TMEM117: variants seen among roughly 807,000 people sequenced by gnomAD.
The protein encoded by TMEM117 is transmembrane protein 117.
Under a neutral mutation model 52.4 loss-of-function variants are expected in TMEM117, and 27 were observed. That is an observed-to-expected ratio of 0.51 (90% CI 0.38 to 0.71). The LOEUF (loss-of-function observed/expected upper bound fraction) is 0.71, where lower values mean the gene tolerates loss of function less well. Among genes scored for constraint, TMEM117 ranks in the 30% least tolerant of loss-of-function variants. The pLI, the probability that TMEM117 is intolerant of heterozygous loss-of-function variation, is 0.00. For synonymous variants in TMEM117, 215 were observed against 206.3 expected, an observed-to-expected ratio of 1.04 and a Z score of -0.36; for missense variants, 556 against 630.5, an observed-to-expected ratio of 0.88 and a Z score of 1.26.
intron 6 of TMEM117, among the ~76,000 whole-genome samples, chr12:44,350,315 CA>C (rs1288178957): frequency 6.6e-6 from 1 of 151,894 alleles, no homozygotes; most frequent in African/African-American, 2.4e-5. Flanking sequence ...TTTTTTGATA[CA>C]GGCATGAAAT....
chr12:43,949,383 C>T (rs1945184888), intron 3 of TMEM117, among the ~76,000 whole-genome samples: 1 of 152,180 alleles, frequency 6.6e-6, no homozygotes, highest in Non-Finnish European at 1.5e-5. Context: ...GGACTGTTTG[C>T]ATGCTCAGTA....
chr12:44,276,355 A>C (rs979231808), intron 5 of TMEM117, among the ~76,000 whole-genome samples: 2 of 152,324 alleles, frequency 1.3e-5, no homozygotes, highest in Non-Finnish European at 1.5e-5. Context: ...ATATGAATAA[A>C]GTTGGAGGAC....
At chr12:44,135,561 A>G (rs188957256) in intron 3 of TMEM117, among the ~76,000 whole-genome samples, 24 of 152,232 alleles carry the variant, frequency 1.6e-4, no homozygotes, top group Non-Finnish European at 2.9e-4. Flanking sequence ...AATCATTGGG[A>G]AATAGTGTTG....
chr12:43,948,312 CT>C (rs879753040), intron 3 of TMEM117, among the ~76,000 whole-genome samples: 40 of 147,032 alleles, frequency 2.7e-4, no homozygotes, highest in Admixed American at 4.8e-4. Flanking sequence ...CTCCTTTATT[CT>C]TTTTTTTTTT....
Position 44,388,637 on chromosome 12 carries a change from G to T in TMEM117, c.1510G>T (p.Asp504Tyr). The change falls in exon 8 of 8, where the codon GAC becomes TAC. Residue 504 changes from aspartate (D) to tyrosine (Y), a missense_variant. Physicochemically the swap from Asp to Tyr is radical, Grantham distance 160 (BLOSUM62 -3). Around this residue, in one of 3 missense-constraint regions of TMEM117, gnomAD observed 206 missense variants for 211.1 expected, o/e 0.98. Transcript: ENST00000266534. ...TACTAGTGCAACAGAAGCTGATCAA[G>T]ACCCAACGACTTCTAAAAGTACACC... ...ESTSATEADQDPTTSKSTPTN is the reference protein window; with the variant it reads ...ESTSATEADQYPTTSKSTPTN 1 of 1,613,314 alleles carries T rather than the reference G, an allele frequency of 6.2e-7. No homozygotes were observed. The highest frequency in any genetic ancestry group is 1.3e-5 in the African/African-American group (1 of 74,992).
intron 3 of TMEM117, among the ~76,000 whole-genome samples, chr12:43,958,936 A>G (rs760525630): frequency 6.6e-6 from 1 of 151,966 alleles, no homozygotes; most frequent in Non-Finnish European, 1.5e-5. Flanking sequence ...CCTCCCGAGT[A>G]GCTGGGACTG....
chr12:44,388,007 T>C lies in TMEM117; in HGVS notation c.899-19T>C, dbSNP rs1231363606. 1 of 1,589,210 alleles carries C rather than the reference T, an allele frequency of 6.3e-7. No homozygotes were observed. On this transcript the variant is annotated intron_variant, in intron 7 of 7. Transcript: ENST00000266534. ...TTTTATGGCCCTTTGATTAATGCAG[T>C]ATTTCTTTTTTAATGCAGGCAAATG...
intron 6 of TMEM117, among the ~76,000 whole-genome samples, chr12:44,340,882 GGGTACC>G (rs1396572373): frequency 6.6e-6 from 1 of 151,956 alleles, no homozygotes; most frequent in Admixed American, 6.6e-5. Context: ...AGGGCTTCTA[GGGTACC>G]CATCACCTGA....
chr12:43,861,733 A>G (rs139904194), intron 2 of TMEM117, among the ~76,000 whole-genome samples: 16 of 152,260 alleles, frequency 1.1e-4, no homozygotes, highest in African/African-American at 3.6e-4. Flanking sequence ...CATTCGAGAG[A>G]TATTTCTAGT....
rs1452864443 is a variant in TMEM117 at position 43,964,220 on chromosome 12, G to A, written c.410+19878G>A. On this transcript the variant is annotated intron_variant, in intron 3 of 7. Coordinates refer to ENST00000266534, the MANE Select transcript of TMEM117 (RefSeq NM_032256.3). ...AGTCAGTAATTGAACATTCTGCCTGGAAGTGACATAAATCACTTCTGCTCA... is the reference window on the plus strand; with the variant it reads ...AGTCAGTAATTGAACATTCTGCCTGAAAGTGACATAAATCACTTCTGCTCA... 5.3e-5 allele frequency among the ~76,000 whole-genome samples: 8 copies of A among 152,160 alleles called. No homozygotes were observed. The East Asian group carries it at 1.4e-3, about 26-fold the overall frequency.
At chr12:43,857,928 A>G (rs970854249) in intron 2 of TMEM117, among the ~76,000 whole-genome samples, 1 of 152,194 alleles carries the variant, frequency 6.6e-6, no homozygotes, top group Non-Finnish European at 1.5e-5. Flanking sequence ...GAATGTGCTG[A>G]TATGGTAACT....
chr12:43,844,142 C>T (rs986222821), intron 1 of TMEM117, among the ~76,000 whole-genome samples: 1 of 152,230 alleles, frequency 6.6e-6, no homozygotes, highest in Non-Finnish European at 1.5e-5. Flanking sequence ...TCAAGACCAA[C>T]ATGGAGAAAC....
At chr12:44,088,995 A>G (rs1947618422) in intron 3 of TMEM117, among the ~76,000 whole-genome samples, 1 of 152,152 alleles carries the variant, frequency 6.6e-6, no homozygotes, top group South Asian at 2.1e-4. Context: ...GCAAATCAAA[A>G]TGACAGCACC....
At chr12:43,800,174 G>A in the TMEM117 span, among the ~76,000 whole-genome samples, 3 of 152,040 alleles carry the variant, frequency 2.0e-5, no homozygotes, top group Non-Finnish European at 4.4e-5. Flanking sequence ...GTATATATGT[G>A]TAAATACATA....
chr12:44,357,995 C>G (rs1004723902), intron 6 of TMEM117, among the ~76,000 whole-genome samples: 1 of 152,018 alleles, frequency 6.6e-6, no homozygotes, highest in African/African-American at 2.4e-5. Flanking sequence ...GCAGCCATAA[C>G]AAAGAACAAA....
chr12:44,078,369 G>A (rs1264829990), intron 3 of TMEM117, among the ~76,000 whole-genome samples: 1 of 152,168 alleles, frequency 6.6e-6, no homozygotes, highest in African/African-American at 2.4e-5. Context: ...TAGATGTCAA[G>A]CAACATACAT....
At chr12:44,033,392 G>A (rs915326684) in intron 3 of TMEM117, among the ~76,000 whole-genome samples, 5 of 152,118 alleles carry the variant, frequency 3.3e-5, no homozygotes, top group Admixed American at 2.6e-4. Context: ...GACTCACTCT[G>A]AATTCTTTCT....
chr12:44,353,261 A>G (rs993025333), intron 6 of TMEM117, among the ~76,000 whole-genome samples: 3 of 151,812 alleles, frequency 2.0e-5, no homozygotes, highest in Non-Finnish European at 4.4e-5. Flanking sequence ...GTTCACTCTG[A>G]TGGTAGTTTC....
chr12:43,887,647 G>A (rs1221553638), intron 2 of TMEM117, among the ~76,000 whole-genome samples: 2 of 152,138 alleles, frequency 1.3e-5, no homozygotes, highest in Non-Finnish European at 2.9e-5. Flanking sequence ...CAGCTCTGAT[G>A]CATCTCACTG....
Sources: gnomAD v4.1 joint callset for allele counts (sites outside exome capture counted in the v4.1 genomes callset) on GRCh38, gnomAD v4.1.1 for gene constraint, gnomAD v4.1.1 regional missense constraint, MANE v1.5 for transcripts, NCBI Gene and HGNC (gene_info 2026-07-23, HGNC 2026-07-21) for gene names.